The following GPM6A variants were observed in gnomAD, a reference collection of about 807,000 sequenced individuals.
The protein encoded by GPM6A is neuronal membrane glycoprotein M6-a.
Under a neutral mutation model 32.1 loss-of-function variants are expected in GPM6A, and 7 were observed. That is an observed-to-expected ratio of 0.22 (90% CI 0.12 to 0.41). GPM6A has a LOEUF of 0.41. Among genes scored for constraint, GPM6A ranks in the 10% least tolerant of loss-of-function variants. The pLI is 1.00. For missense variants in GPM6A, 235 were observed against 347.2 expected, an observed-to-expected ratio of 0.68 and a Z score of 2.57; for synonymous variants, 130 against 123.4, an observed-to-expected ratio of 1.05 and a Z score of -0.35.
At chr4:175,887,420 C>G (rs1186043919) in intron 1 of GPM6A, among the ~76,000 whole-genome samples, 5 of 151,808 alleles carry the variant, frequency 3.3e-5, no homozygotes, top group Admixed American at 6.6e-5. Context: ...GCAGATTAAA[C>G]AGTACTGGAA....
At chr4:175,857,858 G>A (rs1736460971) in intron 1 of GPM6A, among the ~76,000 whole-genome samples, 1 of 152,028 alleles carries the variant, frequency 6.6e-6, no homozygotes, top group African/African-American at 2.4e-5. Flanking sequence ...GAATATACTA[G>A]AGGTTCTAAA....
At chr4:175,932,652 T>C (rs975428209) in intron 1 of GPM6A, among the ~76,000 whole-genome samples, 1 of 152,144 alleles carries the variant, frequency 6.6e-6, no homozygotes, top group Admixed American at 6.5e-5. Flanking sequence ...ATTTATAACA[T>C]GTATAGAAAG....
At chr4:175,674,986 A>AT (rs1743286202) in intron 2 of GPM6A, among the ~76,000 whole-genome samples, 1 of 149,122 alleles carries the variant, frequency 6.7e-6, no homozygotes, top group Non-Finnish European at 1.5e-5. Context: ...GAACTGATAC[A>AT]TAATAACAGA....
At chr4:175,768,033 TCACCCCTAAAA>T (rs1289959007) in intron 1 of GPM6A, among the ~76,000 whole-genome samples, 6 of 152,192 alleles carry the variant, frequency 3.9e-5, no homozygotes, top group African/African-American at 1.2e-4. Context: ...AGATAGTAGT[TCACCCCTAAAA>T]CTGAGGAGAA....
intron 1 of GPM6A, among the ~76,000 whole-genome samples, chr4:175,990,083 G>A (rs558053079): frequency 6.6e-6 from 1 of 152,294 alleles, no homozygotes; most frequent in South Asian, 2.1e-4. Flanking sequence ...GAAGTTACCA[G>A]AATTGTGAAT....
chr4:175,909,095 A>G (rs1329430512), intron 1 of GPM6A, among the ~76,000 whole-genome samples: 1 of 150,322 alleles, frequency 6.7e-6, no homozygotes, highest in African/African-American at 2.4e-5. Flanking sequence ...ACTATAACTC[A>G]GAAATAGTAA....
intron 2 of GPM6A, among the ~76,000 whole-genome samples, chr4:175,700,560 C>T (rs944920602): frequency 2.0e-5 from 3 of 152,150 alleles, no homozygotes; most frequent in Non-Finnish European, 4.4e-5. Context: ...CATCCAGATA[C>T]TCACTCAGAT....
intron 1 of GPM6A, among the ~76,000 whole-genome samples, chr4:175,840,084 T>C (rs973421725): frequency 5.3e-5 from 8 of 152,154 alleles, no homozygotes; most frequent in African/African-American, 1.9e-4. Context: ...AGAAAAATAA[T>C]TTCGTTAGCT....
At chr4:175,846,858 T>C (rs1736102766) in intron 1 of GPM6A, among the ~76,000 whole-genome samples, 3 of 152,114 alleles carry the variant, frequency 2.0e-5, no homozygotes, top group Admixed American at 1.3e-4. Context: ...CTGTGAGATG[T>C]GTATCTCATT....
Position 175,723,170 on chromosome 4 carries a change from T to G in GPM6A, c.38-21403A>C, listed in dbSNP as rs77588426. Among the ~76,000 whole-genome samples the G allele has an allele frequency of 6.4e-3, 968 of 152,350 alleles. 41 individuals are homozygous for G. The East Asian group carries it at 0.098, about 15-fold the overall frequency. ...TATATTTTTCTAATTTTATTTTTCTTTCACTTGACAAGTCACAAGACCTGG... is the reference window on the plus strand; with the variant it reads ...TATATTTTTCTAATTTTATTTTTCTGTCACTTGACAAGTCACAAGACCTGG... On this transcript the variant is annotated intron_variant, in intron 1 of 6. Transcript: ENST00000393658.
chr4:175,802,463 C>T (rs968710490), intron 1 of GPM6A, among the ~76,000 whole-genome samples: 38 of 152,074 alleles, frequency 2.5e-4, no homozygotes, highest in African/African-American at 9.2e-4. Context: ...AAAATATAAG[C>T]CAATTGTGTG....
chr4:175,661,854 C>T (rs951238473), intron 3 of GPM6A, among the ~76,000 whole-genome samples: 1 of 152,026 alleles, frequency 6.6e-6, no homozygotes, highest in African/African-American at 2.4e-5. Flanking sequence ...TTATCAAAAT[C>T]CAGGAGAACA....
chr4:175,692,778 C>A (rs892783857), intron 2 of GPM6A, among the ~76,000 whole-genome samples: 1 of 151,996 alleles, frequency 6.6e-6, no homozygotes, highest in Admixed American at 6.6e-5. Flanking sequence ...ATTTGTCTAG[C>A]TTTTACAAAT....
Position 175,801,353 on chromosome 4 carries a change from AATTAATAGG to A in GPM6A, c.37+10829_37+10837del, listed in dbSNP as rs1177953744. ...TAGGTATGTTAATATTATAGGTATTAATTAATAGGTAATAATATAGGTATATTGAATAGC... is the reference window on the plus strand; with the variant it reads ...TAGGTATGTTAATATTATAGGTATTATAATAATATAGGTATATTGAATAGC... On this transcript the variant is annotated intron_variant, in intron 1 of 6. Coordinates refer to ENST00000393658, the MANE Select transcript of GPM6A (RefSeq NM_201591.3). Among the ~76,000 whole-genome samples the A allele has an allele frequency of 1.4e-4, 4 of 29,262 alleles. No individual in the cohort carries two copies. The East Asian group carries it at 3.7e-3, about 27-fold the overall frequency. The allele number at this position is 29,262 out of a possible 152,430, so 19.2% of individuals were successfully genotyped here.
At chr4:175,926,566 A>ATTTAAATTTAAATATATTT in intron 1 of GPM6A, among the ~76,000 whole-genome samples, 1 of 152,194 alleles carries the variant, frequency 6.6e-6, no homozygotes, top group African/African-American at 2.4e-5. Flanking sequence ...TTTAAATATG[A>ATTTAAATTTAAATATATTT]CAATTTTCTA....
chr4:175,988,582 C>A (rs1035894744), intron 1 of GPM6A, among the ~76,000 whole-genome samples: 24 of 152,184 alleles, frequency 1.6e-4, no homozygotes, highest in African/African-American at 4.8e-4. Context: ...GCATCCATTG[C>A]AGCCACTGAA....
chr4:175,682,088 G>A (rs558651700), intron 2 of GPM6A, among the ~76,000 whole-genome samples: 2 of 152,214 alleles, frequency 1.3e-5, no homozygotes, highest in Admixed American at 6.5e-5. Context: ...CAAGGTCTCA[G>A]ATGAAAATGA....
intron 1 of GPM6A, among the ~76,000 whole-genome samples, chr4:175,848,726 A>G (rs1416040601): frequency 1.3e-5 from 2 of 152,104 alleles, no homozygotes; most frequent in Non-Finnish European, 2.9e-5. Flanking sequence ...TTCAAGAGAT[A>G]ATGTATACAT....
chr4:175,655,900 A>C (rs1224289328), intron 3 of GPM6A, among the ~76,000 whole-genome samples: 1 of 152,116 alleles, frequency 6.6e-6, no homozygotes, highest in East Asian at 1.9e-4. Context: ...TGTAAGCAGT[A>C]ACTCAAAGAG....
Sources: gnomAD v4.1 joint callset for allele counts (sites outside exome capture counted in the v4.1 genomes callset) on GRCh38, gnomAD v4.1.1 for gene constraint, MANE v1.5 for transcripts, NCBI Gene and HGNC (gene_info 2026-07-23, HGNC 2026-07-21) for gene names.